Variants in PCDHGA5 observed in about 807,000 individuals in gnomAD.
PCDHGA5 encodes the protein protocadherin gamma subfamily A, 5.
Under a neutral mutation model 56.7 loss-of-function variants are expected in PCDHGA5, and 36 were observed. The observed-to-expected ratio is 0.64, with a 90% CI of 0.49 to 0.84. The LOEUF is 0.84. Ranked by LOEUF, PCDHGA5 falls within the 40% of genes least tolerant of loss-of-function variation. The pLI is 0.00. For synonymous variants in PCDHGA5, 563 were observed against 520.2 expected (o/e 1.08, Z -1.12); for missense variants, 1,305 against 1,201.5 (o/e 1.09, Z -1.27).
In PCDHGA5 at chr5:141,366,318, C is replaced by T. The variant is rs767826248; in HGVS notation, c.1988C>T (p.Ala663Val). 8.7e-6 allele frequency: 14 copies of T among 1,613,774 alleles called. No homozygotes were observed. The highest frequency in any genetic ancestry group is 1.2e-5 in the Non-Finnish European group (14 of 1,179,976). Residue 663 changes from alanine (A) to valine (V), a missense_variant, in exon 1 of 4, where the codon GCC (alanine) becomes GTC (valine). Physicochemically the swap from Ala to Val is moderately conservative, Grantham distance 64 (BLOSUM62 0). Transcript: ENST00000518069. ...TCAGCCACCTTCACGGTCACCGTTG[C>T]CGTGGCCGACAGGATCCCTGACATC... is the stretch of plus-strand genomic sequence containing the variant. ...PLSATFTVTV[A>V]VADRIPDILA...
At chr5:141,402,332 A>G (rs991402257) in intron 1 of PCDHGA5, among the ~76,000 whole-genome samples, 2 of 152,036 alleles carry the variant, frequency 1.3e-5, no homozygotes, top group African/African-American at 4.8e-5. Flanking sequence ...TTACAAATAT[A>G]TAGGTATAAA....
Position 141,485,048 on chromosome 5 carries a change from C to T in PCDHGA5, c.2422-9759C>T. ...AAACGGCGCGTAACCCTTGCGGCGC[C>T]GGCCGAACCGCGCCAGAGCTGGCGC... On this transcript the variant is annotated intron_variant, in intron 1 of 3. Transcript: ENST00000518069. The surrounding 1 kb of genome is among the most constrained non-coding windows in gnomAD (Gnocchi z 5.7). 1 of 770,392 alleles carries T rather than the reference C, an allele frequency of 1.3e-6. No individual in the cohort carries two copies. Among genetic ancestry groups the T allele is most frequent in the South Asian group, 1.7e-5 (1 of 58,120 alleles). 47.7% of individuals were successfully genotyped at this position (770,392 alleles called of 1,614,324 possible). A position where few individuals can be genotyped will look rare whatever the true frequency, so the allele number is the denominator to read the frequency against.
intron 1 of PCDHGA5, chr5:141,376,336 G>A (rs1433665161): frequency 1.2e-6 from 2 of 1,614,080 alleles, no homozygotes; most frequent in African/African-American, 2.7e-5. Flanking sequence ...CTTTCCTGCA[G>A]ACCTATTCCC....
chr5:141,420,067 A>G (rs2096463342), intron 1 of PCDHGA5: 2 of 1,614,034 alleles, frequency 1.2e-6, no homozygotes, highest in East Asian at 2.2e-5. Flanking sequence ...CCAAGTCCGG[A>G]CCTGTGGGTC....
In PCDHGA5 at chr5:141,511,067, C is replaced by T. The variant is rs760786015; in HGVS notation, c.2690C>T (p.Pro897Leu). The change falls in exon 4 of 4, where the codon CCA (proline) becomes CTA (leucine). Residue 897 changes from proline (P) to leucine (L), a missense_variant. Pro to Leu is a moderately conservative substitution (Grantham distance 98). Coordinates refer to ENST00000518069, the MANE Select transcript of PCDHGA5 (RefSeq NM_018918.3). ...VPDYRQNVYI[P>L]GSNATLTNAA... ...GACTACCGCCAGAATGTCTACATCC[C>T]AGGCAGCAATGCCACACTGACCAAC... 7.4e-6 allele frequency: 12 copies of T among 1,614,136 alleles called. No homozygotes were observed. Among genetic ancestry groups the T allele is most frequent in the African/African-American group, 1.3e-5 (1 of 74,942 alleles).
At chr5:141,458,617 T>A (rs1392739721) in intron 1 of PCDHGA5, among the ~76,000 whole-genome samples, 6 of 152,170 alleles carry the variant, frequency 3.9e-5, no homozygotes, top group Non-Finnish European at 8.8e-5. Flanking sequence ...TCAGCCAGGC[T>A]GGAGTGCAGT....
chr5:141,371,646 T>C, intron 1 of PCDHGA5: 3 of 1,614,026 alleles, frequency 1.9e-6, no homozygotes, highest in Non-Finnish European at 2.5e-6. Flanking sequence ...GATCCCAGAA[T>C]ACAATGTGAC....
chr5:141,490,938 C>A lies in PCDHGA5; in HGVS notation c.2422-3869C>A. 1.2e-6 allele frequency: 2 copies of A among 1,613,672 alleles called. No individual in the cohort carries two copies. Among genetic ancestry groups the A allele is most frequent in the Non-Finnish European group, 1.7e-6 (2 of 1,179,760 alleles). On this transcript the variant is annotated intron_variant, in intron 1 of 3. Coordinates refer to ENST00000518069, the MANE Select transcript of PCDHGA5 (RefSeq NM_018918.3). The surrounding 1 kb of genome is among the most constrained non-coding windows in gnomAD (Gnocchi z 5.4). ...ATGATAATGCCCCAGCTGTGCTGCA[C>A]CCACGGCCAGACTGGGAACACTCAG... is the stretch of plus-strand genomic sequence containing the variant.
intron 1 of PCDHGA5, chr5:141,394,386 A>T (rs765454423): frequency 1.2e-6 from 2 of 1,614,210 alleles, no homozygotes; most frequent in South Asian, 1.1e-5. Context: ...CTATGAGCAG[A>T]TCCGAGACCT....
At chr5:141,450,675 C>T (rs377412699) in intron 1 of PCDHGA5, among the ~76,000 whole-genome samples, 3 of 151,614 alleles carry the variant, frequency 2.0e-5, no homozygotes, top group South Asian at 4.2e-4. Flanking sequence ...TTAGTAGAAA[C>T]GGGGTTTTGC....
intron 1 of PCDHGA5, chr5:141,377,467 A>C (rs1170946460): frequency 6.6e-6 from 1 of 152,194 alleles, no homozygotes; most frequent in South Asian, 2.1e-4. Context: ...TGTGTGGCGT[A>C]CACCTGTAGT....
chr5:141,395,148 C>T (rs1288484224), intron 1 of PCDHGA5: 19 of 1,614,078 alleles, frequency 1.2e-5, no homozygotes, highest in Non-Finnish European at 1.6e-5. Context: ...CGCAGACATG[C>T]TCATCAGTCA....
At chr5:141,383,064 G>A (rs1384491005) in intron 1 of PCDHGA5, 1 of 1,613,928 alleles carries the variant, frequency 6.2e-7, no homozygotes, top group Non-Finnish European at 8.5e-7. Flanking sequence ...TGGGGCTGGA[G>A]CCCCGGGAGC....
intron 2 of PCDHGA5, among the ~76,000 whole-genome samples, chr5:141,498,789 C>T (rs1302940884): frequency 6.6e-6 from 1 of 151,980 alleles, no homozygotes; most frequent in Non-Finnish European, 1.5e-5. Context: ...AAATATTAGC[C>T]AGGTGTGGTG....
chr5:141,446,173 G>A (rs2098491860), intron 1 of PCDHGA5, among the ~76,000 whole-genome samples: 1 of 152,076 alleles, frequency 6.6e-6, no homozygotes, highest in East Asian at 1.9e-4. Context: ...TGAGGGCAGG[G>A]GGTGTTTTGT....
At chr5:141,430,635 T>C (rs1561846344) in intron 1 of PCDHGA5, 1 of 881,828 alleles carries the variant, frequency 1.1e-6, no homozygotes, top group African/African-American at 1.7e-5. Context: ...GAACCATCCC[T>C]GGGAGTATGT....
chr5:141,485,174 A>G lies in PCDHGA5; in HGVS notation c.2422-9633A>G. 6.2e-7 allele frequency: 1 copy of G among 1,611,406 alleles called. No individual in the cohort carries two copies. The highest frequency in any genetic ancestry group is 8.5e-7 in the Non-Finnish European group (1 of 1,177,898). ...AGTAGAGAATTAGCGGGCGGCAGCA[A>G]TGCTCCGCAAGGTGAGAAGCTGGAC... On this transcript the variant is annotated intron_variant, in intron 1 of 3. Coordinates refer to ENST00000518069, the MANE Select transcript of PCDHGA5 (RefSeq NM_018918.3). The surrounding 1 kb of genome is among the most constrained non-coding windows in gnomAD (Gnocchi z 5.7).
chr5:141,422,703 G>GA, intron 1 of PCDHGA5: 1 of 1,603,132 alleles, frequency 6.2e-7, no homozygotes, highest in African/African-American at 1.3e-5. Context: ...CTTACTCTCT[G>GA]ACGGATGACA....
At chr5:141,416,928 A>G (rs1297487387) in intron 1 of PCDHGA5, 4 of 152,170 alleles carry the variant, frequency 2.6e-5, no homozygotes, top group Non-Finnish European at 2.9e-5. Flanking sequence ...ATAGTTATTA[A>G]CTATTAAACC....
Sources: allele counts gnomAD v4.1 joint callset (sites outside exome capture counted in the v4.1 genomes callset), GRCh38; gene constraint gnomAD v4.1.1; non-coding constraint Gnocchi (gnomAD v3.1); transcripts MANE v1.5; gene names NCBI Gene and HGNC (gene_info 2026-07-23, HGNC 2026-07-21).